Variants in SYTL4 observed in about 807,000 individuals in gnomAD.
The protein encoded by SYTL4 is synaptotagmin like 4.
Under a neutral mutation model 52.7 loss-of-function variants are expected in SYTL4, and 16 were observed. The observed-to-expected ratio is 0.30, with a 90% CI of 0.21 to 0.46. The LOEUF is 0.46. Among genes scored for constraint, SYTL4 ranks in the 20% least tolerant of loss-of-function variants. The pLI, the probability that SYTL4 is intolerant of heterozygous loss-of-function variation, is 1.00. For missense variants in SYTL4, 423 were observed against 519.9 expected (o/e 0.81, Z 1.81); for synonymous variants, 160 against 186.6 (o/e 0.86, Z 1.16).
rs1402489193 is a variant in SYTL4, at chrX:100,678,688, CAAG to C, written c.1659-92_1659-90del. Reference sequence around the variant, plus strand: ...CCTTTCCCCTACCACAGGCCTAGCCCAAGAAGATGAACCCACATCCAGATCCTA... The same window carrying C: ...CCTTTCCCCTACCACAGGCCTAGCCCAAGATGAACCCACATCCAGATCCTA... On this transcript the variant is annotated intron_variant, in intron 18 of 19. Transcript: ENST00000372989. 6.3e-6 allele frequency: 5 copies of C among 793,020 alleles called. No individual in the cohort carries two copies. The African/African-American group carries it at 1.0e-4, about 16-fold the overall frequency. The allele number at this position is 793,020 out of a possible 1,213,427, so 65.4% of individuals were successfully genotyped here.
intron 2 of SYTL4, among the ~76,000 whole-genome samples, chrX:100,715,646 T>C (rs767049480): frequency 3.6e-5 from 4 of 111,089 alleles, no homozygotes; most frequent in Non-Finnish European, 5.7e-5. Flanking sequence ...AAGTGGACTC[T>C]AGGCTAGGTG....
intron 8 of SYTL4, among the ~76,000 whole-genome samples, chrX:100,692,354 C>T (rs1487622927): frequency 8.9e-6 from 1 of 112,431 alleles, no homozygotes. Context: ...TCAGTGACCA[C>T]GTATCTTATT....
chrX:100,687,026 C>A, intron 14 of SYTL4, 41 bp downstream of exon 14: 1 of 1,189,283 alleles, frequency 8.4e-7, no homozygotes, highest in Non-Finnish European at 1.1e-6. Context: ...GGGGTCTGGT[C>A]TCTGGTCTCA....
At chrX:100,698,390 A>G (rs1043057230) in intron 8 of SYTL4, among the ~76,000 whole-genome samples, 1 of 112,203 alleles carries the variant, frequency 8.9e-6, no homozygotes, top group South Asian at 3.8e-4. Context: ...GGAGTGAGCC[A>G]CTGTGCCCAG....
At chrX:100,682,728 GGAGGGCTTGCAAAGATTT>G (rs1569375504) in intron 16 of SYTL4, among the ~76,000 whole-genome samples, 1 of 111,264 alleles carries the variant, frequency 9.0e-6, no homozygotes, top group Non-Finnish European at 1.9e-5. Context: ...AAAGAAAAAA[GGAGGGCTTGCAAAGATTT>G]GAGGGCTAGG....
chrX:100,677,494 G>C (rs1465486329), intron 19 of SYTL4, among the ~76,000 whole-genome samples: 1 of 111,856 alleles, frequency 8.9e-6, no homozygotes, highest in Non-Finnish European at 1.9e-5. Context: ...AATATTCTGT[G>C]TGATTATTAA....
intron 16 of SYTL4, chrX:100,684,824 G>A (rs1416786773): frequency 9.1e-6 from 1 of 110,357 alleles, no homozygotes; most frequent in Non-Finnish European, 1.9e-5. Flanking sequence ...AGCCTCCCAA[G>A]TAGCTGGGAT....
chrX:100,717,123 T>C (rs2084241890), intron 2 of SYTL4, among the ~76,000 whole-genome samples: 1 of 112,009 alleles, frequency 8.9e-6, no homozygotes, highest in South Asian at 3.7e-4. Flanking sequence ...TCTGCACTGT[T>C]ACAGAATGCT....
At chrX:100,701,796 A>G (rs1291734054) in intron 5 of SYTL4, 123 bp from the exon 6 acceptor site, 9 of 820,575 alleles carry the variant, frequency 1.1e-5, no homozygotes, top group Non-Finnish European at 1.8e-6. Flanking sequence ...CTCAGAGCCC[A>G]GCGTGACCCA....
chrX:100,682,925 A>G (rs947808239), intron 16 of SYTL4, among the ~76,000 whole-genome samples: 3 of 111,021 alleles, frequency 2.7e-5, no homozygotes, highest in African/African-American at 9.8e-5. Flanking sequence ...TATCTGGCAC[A>G]TAGTAGGTGC....
chrX:100,718,141 T>C (rs753020802), intron 2 of SYTL4, among the ~76,000 whole-genome samples: 2 of 111,583 alleles, frequency 1.8e-5, no homozygotes, highest in South Asian at 3.8e-4. Flanking sequence ...CCAATATTGG[T>C]AGCTGTTTAG....
intron 10 of SYTL4, 112 bp from the exon 11 acceptor site, chrX:100,690,277 G>A: frequency 1.8e-6 from 1 of 545,204 alleles, no homozygotes; most frequent in South Asian, 3.3e-5. Context: ...GCTAAACTAT[G>A]ACAAACTTAA....
At chrX:100,698,481 C>T (rs2083764755) in intron 8 of SYTL4, among the ~76,000 whole-genome samples, 1 of 110,864 alleles carries the variant, frequency 9.0e-6, no homozygotes, top group Admixed American at 9.6e-5. Context: ...CTTTCTCTTT[C>T]TCTCTCTCTC....
chrX:100,683,554 TGA>T (rs2083421497), intron 16 of SYTL4, among the ~76,000 whole-genome samples: 1 of 110,873 alleles, frequency 9.0e-6, no homozygotes, highest in African/African-American at 3.3e-5. Context: ...TTAATATATG[TGA>T]GAGAGACAAA....
chrX:100,702,126 T>A lies in SYTL4; in HGVS notation c.-70-19A>T. 3.2e-6 allele frequency: 2 copies of A among 625,405 alleles called. No homozygotes were observed. The highest frequency in any genetic ancestry group is 5.0e-6 in the Non-Finnish European group (2 of 400,880). The allele number at this position is 625,405 out of a possible 1,213,427, so 51.5% of individuals were successfully genotyped here. ...GAGTTGCCTGAAATGACAAAAGAACTAATTTCACACAGATGATTTACTCAA... is the reference window on the plus strand; with the variant it reads ...GAGTTGCCTGAAATGACAAAAGAACAAATTTCACACAGATGATTTACTCAA... On this transcript the variant is annotated intron_variant, in intron 4 of 19. Coordinates refer to ENST00000372989, the MANE Select transcript of SYTL4 (RefSeq NM_001370165.1).
rs2084644263 is a variant in SYTL4, at chrX:100,731,493, C to T, written c.-315G>A. 1 of 112,508 alleles carries T rather than the reference C, an allele frequency of 8.9e-6. No individual in the cohort carries two copies. Among genetic ancestry groups the T allele is most frequent in the South Asian group, 3.7e-4 (1 of 2,683 alleles). 9.3% of individuals were successfully genotyped at this position (112,508 alleles called of 1,213,427 possible). On this transcript the variant is annotated 5_prime_UTR_variant, in exon 2 of 20. Transcript: ENST00000372989. ...GAGAGTGCGGGTTAGCGACCCCGCTCGACGGCCGAGCGCTGTGAGAGGAAC... is the reference window on the plus strand; with the variant it reads ...GAGAGTGCGGGTTAGCGACCCCGCTTGACGGCCGAGCGCTGTGAGAGGAAC...
intron 17 of SYTL4, among the ~76,000 whole-genome samples, chrX:100,680,307 T>A (rs1450487945): frequency 9.0e-6 from 1 of 111,554 alleles, no homozygotes; most frequent in Non-Finnish European, 1.9e-5. Context: ...TCTCTCTGGT[T>A]CTATACTTGC....
At position 100,689,846 on chromosome X, in the gene SYTL4, G is replaced by A. The variant is rs193232202; in HGVS notation, c.912+10C>T. On this transcript the variant is annotated intron_variant, in intron 12 of 19. Transcript: ENST00000372989. ...CATATAGTGACCAAGTAAAATATAA[G>A]GGCACCTACCATATCCACATTGAGG... 2 of 1,158,043 alleles carry A rather than the reference G, an allele frequency of 1.7e-6. No individual in the cohort carries two copies. The highest frequency in any genetic ancestry group is 3.0e-5 in the East Asian group (1 of 33,425).
chrX:100,696,152 C>G (rs986517737), intron 8 of SYTL4, among the ~76,000 whole-genome samples: 1 of 111,956 alleles, frequency 8.9e-6, no homozygotes, highest in African/African-American at 3.2e-5. Context: ...TGAACATTCA[C>G]GTAGAAGTCT....
Sources: gnomAD v4.1 joint callset for allele counts (sites outside exome capture counted in the v4.1 genomes callset) on GRCh38, gnomAD v4.1.1 for gene constraint, MANE v1.5 for transcripts, NCBI Gene and HGNC (gene_info 2026-07-23, HGNC 2026-07-21) for gene names.